EPB41: variants seen among roughly 807,000 people sequenced by gnomAD.
EPB41 encodes the protein protein 4.1.
In EPB41, 65 loss-of-function variants were observed where a neutral mutation model predicts 108.0. The ratio of observed to expected loss-of-function variants is 0.60; its 90% CI spans 0.49 to 0.74. EPB41 has a LOEUF of 0.74. Ranked by LOEUF, EPB41 falls within the 30% of genes least tolerant of loss-of-function variation. The pLI is 0.00. For synonymous variants in EPB41, 336 were observed against 358.9 expected (o/e 0.94, Z 0.72); for missense variants, 875 against 1,037.0 (o/e 0.84, Z 2.15).
At chr1:28,979,116 A>G (rs192987610) in intron 1 of EPB41, among the ~76,000 whole-genome samples, 1 of 151,638 alleles carries the variant, frequency 6.6e-6, no homozygotes, top group East Asian at 1.9e-4. Flanking sequence ...CTTGCAACAC[A>G]ATGAAATATC....
At chr1:28,888,316 G>A (rs1322002227) in intron 1 of EPB41, among the ~76,000 whole-genome samples, 1 of 152,232 alleles carries the variant, frequency 6.6e-6, no homozygotes, top group East Asian at 1.9e-4. Context: ...AAGGGGAGCG[G>A]GAGGGGCTGG....
intron 1 of EPB41, among the ~76,000 whole-genome samples, chr1:28,965,649 G>A (rs999539403): frequency 6.6e-6 from 1 of 152,058 alleles, no homozygotes; most frequent in African/African-American, 2.4e-5. Context: ...GGGTAGGACT[G>A]CCTCTCTCTG....
intron 10 of EPB41, among the ~76,000 whole-genome samples, chr1:29,037,881 G>GTTGC (rs771496104): frequency 0.09 from 13,717 of 152,170 alleles, 797 homozygotes; most frequent in Non-Finnish European, 0.14. Flanking sequence ...AATTTCATAT[G>GTTGC]TAGCAACAGT....
At chr1:28,944,414 C>T (rs564572744) in intron 1 of EPB41, among the ~76,000 whole-genome samples, 12 of 152,078 alleles carry the variant, frequency 7.9e-5, no homozygotes, top group East Asian at 1.9e-4. Context: ...GGATGGATAC[C>T]GCATTCTCCA....
At chr1:29,031,173 G>T (rs2096785289) in intron 8 of EPB41, among the ~76,000 whole-genome samples, 1 of 152,104 alleles carries the variant, frequency 6.6e-6, no homozygotes, top group Non-Finnish European at 1.5e-5. Flanking sequence ...TTGCCCCATA[G>T]CAATTCCACC....
intron 16 of EPB41, among the ~76,000 whole-genome samples, chr1:29,068,348 A>G (rs1475780614): frequency 6.6e-6 from 1 of 152,228 alleles, no homozygotes; most frequent in Non-Finnish European, 1.5e-5. Flanking sequence ...AGGCTGGGTA[A>G]ATTTGAATTA....
rs868547771 is a variant in EPB41, at chr1:29,070,730, G to T, written c.2184+5572G>T. The T allele has an allele frequency of 3.3e-6, 4 of 1,212,234 alleles. No homozygotes were observed. The Middle Eastern group carries it at 9.5e-4, about 286-fold the overall frequency. The allele number at this position is 1,212,234 out of a possible 1,614,324, so 75.1% of individuals were successfully genotyped here. A position where few individuals can be genotyped will look rare whatever the true frequency, so the allele number is the denominator to read the frequency against. ...ATCTTGATAGTTCACTATCCTAGGG[G>T]AGCTCTTGTGATCATTTTTCTGTCA... On this transcript the variant is annotated intron_variant, in intron 16 of 20. Coordinates refer to ENST00000343067, the MANE Select transcript of EPB41 (RefSeq NM_001376013.1).
chr1:29,117,365 G>A lies in EPB41; in HGVS notation c.*553G>A, dbSNP rs913858262. ...GCACCAGCCCTGATCCACAGACCTC[G>A]GAAAGATGCCCCTGTTCCTTTGTTG... On this transcript the variant is annotated 3_prime_UTR_variant, in exon 21 of 21. Transcript: ENST00000343067. The A allele has an allele frequency of 2.6e-5, 4 of 152,664 alleles. No individual in the cohort carries two copies. The highest frequency in any genetic ancestry group is 2.1e-4 in the South Asian group (1 of 4,828). 9.5% of individuals were successfully genotyped at this position (152,664 alleles called of 1,614,324 possible). A position where few individuals can be genotyped will look rare whatever the true frequency, so the allele number is the denominator to read the frequency against.
At chr1:29,078,218 C>CA (rs573921424) in intron 16 of EPB41, among the ~76,000 whole-genome samples, 2 of 151,206 alleles carry the variant, frequency 1.3e-5, no homozygotes, top group South Asian at 2.1e-4. Context: ...GATTCCGTCT[C>CA]AAAAAAAAGA....
At chr1:28,903,693 C>G (rs534729416) in intron 1 of EPB41, among the ~76,000 whole-genome samples, 2 of 152,006 alleles carry the variant, frequency 1.3e-5, no homozygotes, top group East Asian at 3.9e-4. Flanking sequence ...TGTGAAGGTT[C>G]AGTGACATAT....
intron 1 of EPB41, among the ~76,000 whole-genome samples, chr1:28,922,704 T>C (rs748239780): frequency 4.6e-5 from 7 of 151,254 alleles, no homozygotes; most frequent in Non-Finnish European, 1.0e-4. Context: ...CTCGGCTCAC[T>C]GCAACCTCTG....
intron 17 of EPB41, among the ~76,000 whole-genome samples, chr1:29,108,926 C>T (rs185450264): frequency 8.2e-4 from 122 of 148,708 alleles, no homozygotes; most frequent in Non-Finnish European, 1.4e-3. Context: ...TGGCCGGGTG[C>T]GGTAGCTCAC....
rs1486450525 is a variant in EPB41 at position 29,097,847 on chromosome 1, A to G, written c.2225A>G (p.Asn742Ser). Reference sequence around the variant, plus strand: ...ACACAAACTGTCACCATCTCAGATAATGCCAATGCTGTGAAAAGTGAAATC... The same window carrying G: ...ACACAAACTGTCACCATCTCAGATAGTGCCAATGCTGTGAAAAGTGAAATC... The part of the protein sequence containing the change: ...VKTQTVTISD[N>S]ANAVKSEIPT... The change falls in exon 17 of 21, where the codon AAT becomes AGT. Residue 742 changes from asparagine to serine, a missense_variant. Asn to Ser is a conservative substitution (Grantham distance 46). This residue lies in a region of EPB41 where 519 missense variants were observed against 627.3 expected (regional missense o/e 0.83). Transcript: ENST00000343067. 8.1e-6 allele frequency: 13 copies of G among 1,613,998 alleles called. No individual in the cohort carries two copies. The highest frequency in any genetic ancestry group is 1.1e-5 in the Non-Finnish European group (13 of 1,179,868).
upstream of EPB41, chr1:28,887,104 G>C (rs1223565959): frequency 3.2e-6 from 2 of 629,664 alleles, no homozygotes; most frequent in African/African-American, 3.8e-5. This position sits in a 1 kb window ranked among gnomAD's most constrained non-coding sequence, Gnocchi z 4.9. Context: ...TGCCCTGTCA[G>C]TGCAGGTGGA....
chr1:29,047,253 C>CTTTTTTTTTTTTTTTTTTTTTTTTTTTTT (rs755248112), intron 11 of EPB41, among the ~76,000 whole-genome samples: 3 of 100,532 alleles, frequency 3.0e-5, no homozygotes, highest in African/African-American at 1.5e-4. Flanking sequence ...TCTTTCTTTC[C>CTTTTTTTTTTTTTTTTTTTTTTTTTTTTT]TTTTTTTTTT....
intron 16 of EPB41, chr1:29,069,285 C>G: frequency 8.1e-7 from 1 of 1,231,550 alleles, no homozygotes; most frequent in Non-Finnish European, 1.0e-6. Flanking sequence ...CCAAGTTTTT[C>G]CTTTCATAGA....
chr1:29,086,275 CT>C (rs1213378802), intron 16 of EPB41, among the ~76,000 whole-genome samples: 5,054 of 137,162 alleles, frequency 0.037, 70 homozygotes, highest in Non-Finnish European at 0.052. Context: ...TTTGTCTTTC[CT>C]TTTTTTTTTT....
At chr1:28,963,268 A>G (rs2095269763) in intron 1 of EPB41, among the ~76,000 whole-genome samples, 1 of 152,124 alleles carries the variant, frequency 6.6e-6, no homozygotes, top group Admixed American at 6.6e-5. Context: ...AATGGGAAAC[A>G]ACTGACTTTT....
chr1:28,887,398 CA>C lies in EPB41; in HGVS notation c.-8+189del. 1.0e-6 allele frequency: 1 copy of C among 985,392 alleles called. No homozygotes were observed. The highest frequency in any genetic ancestry group is 1.2e-6 in the Non-Finnish European group (1 of 829,924). 61.0% of individuals were successfully genotyped at this position (985,392 alleles called of 1,614,324 possible). A position where few individuals can be genotyped will look rare whatever the true frequency, so the allele number is the denominator to read the frequency against. ...AACTTGGGGTCCAAAGGAGTCTGGG[CA>C]TCTTAAAGTTCAGGGTGCAGGGAGG... is the stretch of plus-strand genomic sequence containing the variant. On this transcript the variant is annotated intron_variant, in intron 1 of 16. Transcript: ENST00000347529. This position sits in a 1 kb window ranked among gnomAD's most constrained non-coding sequence, Gnocchi z 4.9.
Sources: allele counts gnomAD v4.1 joint callset (sites outside exome capture counted in the v4.1 genomes callset), GRCh38; gene constraint gnomAD v4.1.1; regional missense constraint gnomAD v4.1.1; non-coding constraint Gnocchi (gnomAD v3.1); transcripts MANE v1.5; gene names NCBI Gene and HGNC (gene_info 2026-07-23, HGNC 2026-07-21).